The following ACACA variants were observed in gnomAD, a reference collection of about 807,000 sequenced individuals.
ACACA encodes acetyl-CoA carboxylase 1.
ACACA carries 103 observed loss-of-function variants against 296.1 expected under a neutral mutation model. The observed-to-expected ratio is 0.35, with a 90% CI of 0.30 to 0.41. The LOEUF is 0.41. ACACA is among the 10% of genes least tolerant of loss of function. The pLI is 1.00. For missense variants in ACACA, 1,554 were observed against 2,989.7 expected, an observed-to-expected ratio of 0.52 and a Z score of 11.20; for synonymous variants, 953 against 1,038.6, an observed-to-expected ratio of 0.92 and a Z score of 1.58.
intron 42 of ACACA, among the ~76,000 whole-genome samples, chr17:37,159,807 A>G (rs1043476667): frequency 8.5e-5 from 13 of 152,232 alleles, no homozygotes; most frequent in Admixed American, 2.6e-4. Context: ...ATACTCTTAC[A>G]TTTAAAGATG....
intron 50 of ACACA, among the ~76,000 whole-genome samples, chr17:37,117,773 T>C (rs1017919347): frequency 6.7e-6 from 1 of 148,838 alleles, no homozygotes. Flanking sequence ...TTAGACCTCC[T>C]AGGCCGACTA....
intron 54 of ACACA, among the ~76,000 whole-genome samples, chr17:37,093,789 C>T (rs2072802322): frequency 6.6e-6 from 1 of 152,210 alleles, no homozygotes; most frequent in Non-Finnish European, 1.5e-5. Flanking sequence ...TGAGCCACCA[C>T]ATCTGACTTA....
At chr17:37,203,704 T>C (rs549260341) in intron 33 of ACACA, among the ~76,000 whole-genome samples, 6 of 151,892 alleles carry the variant, frequency 4.0e-5, no homozygotes, top group African/African-American at 1.4e-4. Context: ...GATCGCACCA[T>C]TGCACTCCAG....
chr17:37,175,164 A>G (rs561342926), intron 41 of ACACA, among the ~76,000 whole-genome samples: 1 of 152,304 alleles, frequency 6.6e-6, no homozygotes, highest in South Asian at 2.1e-4. Flanking sequence ...TAGTTCGCAG[A>G]GCTGATAAAA....
rs528292308 is a variant in ACACA, at chr17:37,187,037, C to T, written c.4776+1240G>A. Among the ~76,000 whole-genome samples the T allele has an allele frequency of 3.9e-5, 6 of 152,256 alleles. No individual in the cohort carries two copies. The East Asian group carries it at 1.2e-3, about 29-fold the overall frequency. On this transcript the variant is annotated intron_variant, in intron 39 of 55. Coordinates refer to ENST00000616317, the MANE Select transcript of ACACA (RefSeq NM_198834.3). ...TAGAAGTTAATTAAAAACATCCCTA[C>T]CCATTGAAAGCTTTGACTGAAAATG... is the stretch of plus-strand genomic sequence containing the variant.
chr17:37,301,514 A>G (rs1377492605), intron 3 of ACACA: 1 of 353,792 alleles, frequency 2.8e-6, no homozygotes, highest in African/African-American at 2.2e-5. Flanking sequence ...TCTGAGTTAT[A>G]CTGCAGCACA....
intron 1 of ACACA, among the ~76,000 whole-genome samples, chr17:37,352,383 C>T (rs1029607426): frequency 3.3e-5 from 5 of 152,064 alleles, no homozygotes; most frequent in Admixed American, 2.0e-4. Context: ...AATTTACGCT[C>T]GTAATCTTAT....
chr17:37,131,409 T>C (rs1488853070), intron 45 of ACACA, among the ~76,000 whole-genome samples: 2 of 152,140 alleles, frequency 1.3e-5, no homozygotes, highest in Non-Finnish European at 2.9e-5. Flanking sequence ...GCTGAGTGTA[T>C]AGTAATTGTC....
intron 37 of ACACA, 96 bp downstream of exon 37, chr17:37,191,994 T>G (rs2077777264): frequency 8.1e-7 from 1 of 1,234,502 alleles, no homozygotes; most frequent in Admixed American, 2.0e-5. Flanking sequence ...TTTTTTATGT[T>G]CTCTCTCAGC....
chr17:37,405,479 T>C (rs1477460595), intron 1 of ACACA, among the ~76,000 whole-genome samples: 4 of 152,234 alleles, frequency 2.6e-5, no homozygotes, highest in Admixed American at 1.3e-4. Context: ...ATGTGATGCA[T>C]AGGAAAATGT....
Position 37,406,446 on chromosome 17 carries a change from A to G in ACACA, c.-147T>C. On this transcript the variant is annotated 5_prime_UTR_variant, in exon 1 of 56. Transcript: ENST00000616317. ...AAATCAGTCTGGTTCATCCACGAGCAGCCCTTCGGGGCCCGGACTGGAGAG... is the reference window on the plus strand; with the variant it reads ...AAATCAGTCTGGTTCATCCACGAGCGGCCCTTCGGGGCCCGGACTGGAGAG... The G allele has an allele frequency of 5.4e-6, 5 of 918,012 alleles. No homozygotes were observed. The South Asian group carries it at 6.7e-5, about 12-fold the overall frequency. 56.9% of individuals were successfully genotyped at this position (918,012 alleles called of 1,614,324 possible). A position where few individuals can be genotyped will look rare whatever the true frequency, so the allele number is the denominator to read the frequency against.
chr17:37,258,627 T>A (rs1330451314), intron 12 of ACACA, among the ~76,000 whole-genome samples: 1 of 152,186 alleles, frequency 6.6e-6, no homozygotes, highest in Non-Finnish European at 1.5e-5. Context: ...AGTTCCCCTG[T>A]TGTCATTTCT....
chr17:37,289,001 G>A (rs941835131), intron 3 of ACACA, among the ~76,000 whole-genome samples: 5 of 152,050 alleles, frequency 3.3e-5, no homozygotes, highest in East Asian at 1.9e-4. Flanking sequence ...GGTGGCTCCC[G>A]CCTGTAATCC....
At chr17:37,119,017 T>A (rs1209113752) in intron 50 of ACACA, among the ~76,000 whole-genome samples, 1 of 152,144 alleles carries the variant, frequency 6.6e-6, no homozygotes, top group East Asian at 1.9e-4. Flanking sequence ...TCTGAAGTAA[T>A]GTCAGGAAGA....
At chr17:37,118,092 TG>T (rs1277101625) in intron 50 of ACACA, among the ~76,000 whole-genome samples, 1 of 152,174 alleles carries the variant, frequency 6.6e-6, no homozygotes, top group Non-Finnish European at 1.5e-5. Context: ...TATGTAAATA[TG>T]AAAGGCACTG....
At chr17:37,114,831 C>G (rs1255753365) in intron 50 of ACACA, among the ~76,000 whole-genome samples, 2 of 152,194 alleles carry the variant, frequency 1.3e-5, no homozygotes, top group Admixed American at 6.5e-5. Flanking sequence ...GAGAGGATCT[C>G]AATTTGGAAT....
intron 29 of ACACA, chr17:37,221,375 A>T: frequency 3.0e-6 from 1 of 334,822 alleles, no homozygotes; most frequent in Non-Finnish European, 5.7e-6. Flanking sequence ...TTTTTGGTCT[A>T]ATTGCTGATT....
chr17:37,168,166 C>G (rs1030728897), intron 41 of ACACA, among the ~76,000 whole-genome samples: 1 of 152,070 alleles, frequency 6.6e-6, no homozygotes, highest in African/African-American at 2.4e-5. Context: ...AAATCTACGG[C>G]ATAAGTTTGT....
intron 1 of ACACA, chr17:37,391,672 C>G (rs1368076003): frequency 6.2e-7 from 1 of 1,613,948 alleles, no homozygotes; most frequent in Admixed American, 1.7e-5. Flanking sequence ...GCCAATTCAT[C>G]AAACCCAAAG....
Sources: allele counts gnomAD v4.1 joint callset (sites outside exome capture counted in the v4.1 genomes callset), GRCh38; gene constraint gnomAD v4.1.1; transcripts MANE v1.5; gene names NCBI Gene and HGNC (gene_info 2026-07-23, HGNC 2026-07-21).